Variants in SKP1 observed in about 807,000 individuals in gnomAD.
The protein encoded by SKP1 is S-phase kinase-associated protein 1.
Under a neutral mutation model 21.5 loss-of-function variants are expected in SKP1, and 1 was observed. The ratio of observed to expected loss-of-function variants is 0.05; its 90% CI spans 0.02 to 0.22. The LOEUF (loss-of-function observed/expected upper bound fraction) is 0.22. Ranked by LOEUF, SKP1 falls within the 10% of genes least tolerant of loss-of-function variation. The pLI, the probability that SKP1 is intolerant of heterozygous loss-of-function variation, is 1.00. For missense variants in SKP1, 70 were observed against 192.0 expected, an observed-to-expected ratio of 0.36 and a Z score of 3.76; for synonymous variants, 59 against 59.3, an observed-to-expected ratio of 0.99 and a Z score of 0.03.
In SKP1 at chr5:134,152,289, G is replaced by A. The variant is rs1324767322; in HGVS notation, c.*5444C>T. The stretch of plus-strand genomic sequence containing the variant: ...ATAAATGCTGATAAAATACTACTGA[G>A]TGTCAGCAAAGTACTGTGACTAATC... On this transcript the variant is annotated 3_prime_UTR_variant, in exon 6 of 6. Coordinates refer to ENST00000353411, the MANE Select transcript of SKP1 (RefSeq NM_170679.3). 1 of 152,226 alleles carries A rather than the reference G, an allele frequency of 6.6e-6. No individual in the cohort carries two copies. The highest frequency in any genetic ancestry group is 2.4e-5 in the African/African-American group (1 of 41,438). 9.4% of individuals were successfully genotyped at this position (152,226 alleles called of 1,614,324 possible). A position where few individuals can be genotyped will look rare whatever the true frequency, so the allele number is the denominator to read the frequency against.
At chr5:134,163,788 T>TCAAACAAACAAACCAAA (rs1761272230) in intron 3 of SKP1, among the ~76,000 whole-genome samples, 1 of 151,778 alleles carries the variant, frequency 6.6e-6, no homozygotes, top group Non-Finnish European at 1.5e-5. Flanking sequence ...AGGCCCTATC[T>TCAAACAAACAAACCAAA]CAAACAAACA....
At position 134,158,608 on chromosome 5, in the gene SKP1, AG is replaced by A. The variant is rs1561718108; in HGVS notation, c.316-14del. The A allele has an allele frequency of 4.3e-6, 7 of 1,610,776 alleles. No individual in the cohort carries two copies. Among genetic ancestry groups the A allele is most frequent in the Non-Finnish European group, 5.9e-6 (7 of 1,178,218 alleles). On this transcript the variant is annotated splice_polypyrimidine_tract_variant and intron_variant, in intron 4 of 5. Coordinates refer to ENST00000353411, the MANE Select transcript of SKP1 (RefSeq NM_170679.3). Reference sequence around the variant, plus strand: ...AGTAGTTTGCAGCCTGTAAAGAGACAGTTGTTTTCCTTAAAGTATACTTGAT... The same window carrying A: ...AGTAGTTTGCAGCCTGTAAAGAGACATTGTTTTCCTTAAAGTATACTTGAT...
At position 134,149,042 on chromosome 5, in the gene SKP1, C is replaced by G. The variant is rs540049743; in HGVS notation, c.*8691G>C. 1 of 152,152 alleles carries G rather than the reference C, an allele frequency of 6.6e-6. No homozygotes were observed. Among genetic ancestry groups the G allele is most frequent in the African/African-American group, 2.4e-5 (1 of 41,426 alleles). 9.4% of individuals were successfully genotyped at this position (152,152 alleles called of 1,614,324 possible). On this transcript the variant is annotated 3_prime_UTR_variant, in exon 6 of 6. Coordinates refer to ENST00000353411, the MANE Select transcript of SKP1 (RefSeq NM_170679.3). ...TGTGTTACATGAATATATTGTGTAG[C>G]GGTGAGGTCCGGGCTATTTTTAGAT...
rs1315941888 is a variant in SKP1 at position 134,158,097 on chromosome 5, C to T, written c.457-329G>A. 6.4e-6 allele frequency: 9 copies of T among 1,414,062 alleles called. No homozygotes were observed. In the African/African-American group the frequency reaches 1.0e-4, roughly 16 times the overall value. 87.6% of individuals were successfully genotyped at this position (1,414,062 alleles called of 1,614,324 possible). On this transcript the variant is annotated intron_variant, in intron 5 of 5. Transcript: ENST00000353411. ...CTGATCTATTCTTTCATTTCCTCCCCTCATTAAGTTGCTCTAAAGTACCCT... is the reference window on the plus strand; with the variant it reads ...CTGATCTATTCTTTCATTTCCTCCCTTCATTAAGTTGCTCTAAAGTACCCT...
intron 3 of SKP1, among the ~76,000 whole-genome samples, chr5:134,163,099 C>T (rs1259433435): frequency 6.6e-6 from 1 of 150,910 alleles, no homozygotes; most frequent in Non-Finnish European, 1.5e-5. Context: ...CCTATGGTCC[C>T]AGCTACTCAG....
At chr5:134,166,108 C>A (rs953993836) in intron 3 of SKP1, among the ~76,000 whole-genome samples, 1 of 151,400 alleles carries the variant, frequency 6.6e-6, no homozygotes, top group Non-Finnish European at 1.5e-5. Context: ...TTACTTGAAC[C>A]CGGAAGGCAG....
rs1580922727 is a variant in SKP1, at chr5:134,154,754, G to A, written c.*2979C>T. The stretch of plus-strand genomic sequence containing the variant: ...TCTTCCTCTCATTCTCTTTCCTGGT[G>A]AAATAAAAGGCATTTCCTAATTAAT... On this transcript the variant is annotated 3_prime_UTR_variant, in exon 6 of 6. Transcript: ENST00000353411. The A allele has an allele frequency of 6.6e-6, 1 of 152,132 alleles. No individual in the cohort carries two copies. The highest frequency in any genetic ancestry group is 1.9e-4 in the East Asian group (1 of 5,190). The allele number at this position is 152,132 out of a possible 1,614,324, so 9.4% of individuals were successfully genotyped here. A position where few individuals can be genotyped will look rare whatever the true frequency, so the allele number is the denominator to read the frequency against.
intron 2 of SKP1, among the ~76,000 whole-genome samples, chr5:134,167,725 C>T (rs1367595585): frequency 6.6e-6 from 1 of 152,136 alleles, no homozygotes; most frequent in Non-Finnish European, 1.5e-5. Flanking sequence ...GGGGTTTCAC[C>T]GTGTTAGCCA....
At chr5:134,167,528 GT>G (rs200685045) in intron 2 of SKP1, among the ~76,000 whole-genome samples, 140 of 145,776 alleles carry the variant, frequency 9.6e-4, no homozygotes, top group Middle Eastern at 7.1e-3. Flanking sequence ...CTAGAGAGGG[GT>G]TTTTTTTTTT....
At position 134,176,945 on chromosome 5, in the gene SKP1, T is replaced by C. The variant is rs1268033619; in HGVS notation, c.-91A>G. On this transcript the variant is annotated 5_prime_UTR_variant, in exon 1 of 6. Coordinates refer to ENST00000353411, the MANE Select transcript of SKP1 (RefSeq NM_170679.3). ...AGAGAAAAACCGAAGACGAAGCCAC[T>C]ACAGCGTCGCAGCGCGGCGCGGCGT... is the stretch of plus-strand genomic sequence containing the variant. The C allele has an allele frequency of 6.6e-6, 1 of 152,386 alleles. No individual in the cohort carries two copies. The highest frequency in any genetic ancestry group is 1.5e-5 in the Non-Finnish European group (1 of 68,140). The allele number at this position is 152,386 out of a possible 1,614,324, so 9.4% of individuals were successfully genotyped here. A position where few individuals can be genotyped will look rare whatever the true frequency, so the allele number is the denominator to read the frequency against.
At chr5:134,174,488 A>C (rs1761501604) in intron 1 of SKP1, 1 of 989,030 alleles carries the variant, frequency 1.0e-6, no homozygotes, top group Non-Finnish European at 1.2e-6. Flanking sequence ...AGATCCAAAG[A>C]GTACATCAGA....
rs1003960553 is a variant in SKP1 at position 134,176,943 on chromosome 5, A to G, written c.-89T>C. 1 of 152,438 alleles carries G rather than the reference A, an allele frequency of 6.6e-6. No individual in the cohort carries two copies. The highest frequency in any genetic ancestry group is 1.5e-5 in the Non-Finnish European group (1 of 68,148). The allele number at this position is 152,438 out of a possible 1,614,324, so 9.4% of individuals were successfully genotyped here. A position where few individuals can be genotyped will look rare whatever the true frequency, so the allele number is the denominator to read the frequency against. On this transcript the variant is annotated 5_prime_UTR_variant, in exon 1 of 6. Coordinates refer to ENST00000353411, the MANE Select transcript of SKP1 (RefSeq NM_170679.3). ...GAAGAGAAAAACCGAAGACGAAGCCACTACAGCGTCGCAGCGCGGCGCGGC... is the reference window on the plus strand; with the variant it reads ...GAAGAGAAAAACCGAAGACGAAGCCGCTACAGCGTCGCAGCGCGGCGCGGC...
intron 1 of SKP1, among the ~76,000 whole-genome samples, chr5:134,174,242 G>T (rs1761496850): frequency 6.6e-6 from 1 of 152,144 alleles, no homozygotes; most frequent in South Asian, 2.1e-4. Flanking sequence ...AGGAACAGAA[G>T]CTTTTAAGGC....
At chr5:134,172,223 G>C (rs1321224922) in intron 2 of SKP1, among the ~76,000 whole-genome samples, 3 of 152,166 alleles carry the variant, frequency 2.0e-5, no homozygotes, top group African/African-American at 7.2e-5. Flanking sequence ...TTCCCTCCTA[G>C]TTTATAAATT....
rs960501186 is a variant in SKP1 at position 134,155,368 on chromosome 5, G to T, written c.*2365C>A. 3.3e-5 allele frequency: 5 copies of T among 152,174 alleles called. No individual in the cohort carries two copies. Among genetic ancestry groups the T allele is most frequent in the Admixed American group, 6.5e-5 (1 of 15,274 alleles). 9.4% of individuals were successfully genotyped at this position (152,174 alleles called of 1,614,324 possible). On this transcript the variant is annotated 3_prime_UTR_variant, in exon 6 of 6. Coordinates refer to ENST00000353411, the MANE Select transcript of SKP1 (RefSeq NM_170679.3). ...ACAGCAGGGAACAGGAAAAAGAAAG[G>T]TAGGAAAATAATACTGCAACCAGAC... is the stretch of plus-strand genomic sequence containing the variant.
At position 134,155,413 on chromosome 5, in the gene SKP1, C is replaced by G. The variant is rs1320921857; in HGVS notation, c.*2320G>C. 2 of 152,152 alleles carry G rather than the reference C, an allele frequency of 1.3e-5. No individual in the cohort carries two copies. Among genetic ancestry groups the G allele is most frequent in the African/African-American group, 4.8e-5 (2 of 41,430 alleles). The allele number at this position is 152,152 out of a possible 1,614,324, so 9.4% of individuals were successfully genotyped here. On this transcript the variant is annotated 3_prime_UTR_variant, in exon 6 of 6. Coordinates refer to ENST00000353411, the MANE Select transcript of SKP1 (RefSeq NM_170679.3). Reference sequence around the variant, plus strand: ...CCAGACTGAAAAGGGCTTCTTAATACCATGTCTATGATTTATTTGGGTCCA... The same window carrying G: ...CCAGACTGAAAAGGGCTTCTTAATAGCATGTCTATGATTTATTTGGGTCCA...
chr5:134,161,126 A>G lies in SKP1; in HGVS notation c.176T>C (p.Ile59Thr). Reference protein sequence around the residue: ...NVNAAILKKVIQWCTHHKDDP... With the variant: ...NVNAAILKKVTQWCTHHKDDP... ...ATCCTTGTGGTGGGTGCACCACTGA[A>G]TGACCTACAACAACAAAAGTTCATT... Residue 59 changes from isoleucine (I) to threonine (T), a missense_variant, in exon 4 of 6, where the codon ATT becomes ACT. Around this residue, in one of 4 missense-constraint regions of SKP1, gnomAD observed 33 missense variants for 64.9 expected, o/e 0.51. Coordinates refer to ENST00000353411, the MANE Select transcript of SKP1 (RefSeq NM_170679.3). The G allele has an allele frequency of 6.2e-7, 1 of 1,605,778 alleles. No homozygotes were observed. The highest frequency in any genetic ancestry group is 8.5e-7 in the Non-Finnish European group (1 of 1,175,690).
At chr5:134,174,056 G>C (rs1326147035) in intron 1 of SKP1, 34 bp from the exon 2 acceptor site, 1 of 1,286,400 alleles carries the variant, frequency 7.8e-7, no homozygotes, top group South Asian at 1.2e-5. Flanking sequence ...TAAAATTTAA[G>C]AGAGAGAGTT....
Position 134,174,058 on chromosome 5 carries a change from G to A in SKP1, c.1-36C>T, listed in dbSNP as rs768311211. 4 of 1,275,354 alleles carry A rather than the reference G, an allele frequency of 3.1e-6. No individual in the cohort carries two copies. In the East Asian group the frequency reaches 9.4e-5, roughly 30 times the overall value. 79.0% of individuals were successfully genotyped at this position (1,275,354 alleles called of 1,614,324 possible). A position where few individuals can be genotyped will look rare whatever the true frequency, so the allele number is the denominator to read the frequency against. ...AGGACATTAAATATAAAATTTAAGA[G>A]AGAGAGTTCTACATGACATTTCATC... On this transcript the variant is annotated intron_variant, in intron 1 of 5. Transcript: ENST00000353411.
Sources: gnomAD v4.1 joint callset for allele counts (sites outside exome capture counted in the v4.1 genomes callset) on GRCh38, gnomAD v4.1.1 for gene constraint, gnomAD v4.1.1 regional missense constraint, MANE v1.5 for transcripts, NCBI Gene and HGNC (gene_info 2026-07-23, HGNC 2026-07-21) for gene names.